Variants in TBC1D8 observed in about 807,000 individuals in gnomAD.
TBC1D8 encodes the protein TBC1 domain family member 8, also known as BUB2-like protein 1.
A neutral mutation model predicts 118.8 loss-of-function variants in TBC1D8; 65 were observed. That is an observed-to-expected ratio of 0.55 (90% CI 0.45 to 0.67). The LOEUF is 0.67. Ranked by LOEUF, TBC1D8 falls within the 30% of genes least tolerant of loss-of-function variation. The pLI is 0.00. For missense variants in TBC1D8, 1,376 were observed against 1,471.2 expected, an observed-to-expected ratio of 0.94 and a Z score of 1.06; for synonymous variants, 566 against 595.8, an observed-to-expected ratio of 0.95 and a Z score of 0.73.
chr2:101,149,009 G>T (rs1223876607), intron 1 of TBC1D8, among the ~76,000 whole-genome samples: 1 of 152,268 alleles, frequency 6.6e-6, no homozygotes, highest in East Asian at 1.9e-4. Flanking sequence ...GGTCAGCGCT[G>T]CTTCATCGGC....
intron 2 of TBC1D8, among the ~76,000 whole-genome samples, chr2:101,083,011 G>A (rs763418535): frequency 1.3e-5 from 2 of 152,036 alleles, no homozygotes; most frequent in Non-Finnish European, 2.9e-5. Flanking sequence ...AAGTTCTTCC[G>A]TTGCACGTTG....
At chr2:101,103,213 A>G (rs1676969367) in intron 1 of TBC1D8, among the ~76,000 whole-genome samples, 1 of 151,970 alleles carries the variant, frequency 6.6e-6, no homozygotes, top group Non-Finnish European at 1.5e-5. Context: ...GGAAATATCG[A>G]TCAATATAAT....
At chr2:101,126,352 G>T (rs1417307022) in intron 1 of TBC1D8, among the ~76,000 whole-genome samples, 1 of 152,150 alleles carries the variant, frequency 6.6e-6, no homozygotes, top group East Asian at 1.9e-4. Context: ...ACTTGGTGGG[G>T]CCACACAAAC....
intron 3 of TBC1D8, among the ~76,000 whole-genome samples, chr2:101,057,837 AC>A (rs550090125): frequency 9.3e-4 from 141 of 152,252 alleles, no homozygotes; most frequent in African/African-American, 3.3e-3. Context: ...AAAACAACCA[AC>A]AAAAATAAAC....
chr2:101,034,713 C>A (rs1481400544), intron 9 of TBC1D8, among the ~76,000 whole-genome samples: 1 of 152,270 alleles, frequency 6.6e-6, no homozygotes, highest in African/African-American at 2.4e-5. Context: ...ACACGCCTCA[C>A]AATCAGGTGG....
At chr2:101,112,428 T>C (rs1428850590) in intron 1 of TBC1D8, among the ~76,000 whole-genome samples, 1 of 152,222 alleles carries the variant, frequency 6.6e-6, no homozygotes, top group African/African-American at 2.4e-5. Flanking sequence ...GATTCAAGTC[T>C]ATAAAATGAA....
chr2:101,022,808 T>C (rs1680120358), intron 15 of TBC1D8, among the ~76,000 whole-genome samples: 2 of 152,348 alleles, frequency 1.3e-5, no homozygotes, highest in East Asian at 3.9e-4. Flanking sequence ...GTTTTCATTA[T>C]AGAAGACACA....
chr2:101,023,822 A>AATGTCCTC (rs1189683120), intron 15 of TBC1D8: 1 of 245,624 alleles, frequency 4.1e-6, no homozygotes, highest in Admixed American at 5.9e-5. Context: ...TGACCATTTC[A>AATGTCCTC]ATGTCCTCTG....
At chr2:101,067,849 A>G (rs1340852328) in intron 2 of TBC1D8, among the ~76,000 whole-genome samples, 2 of 152,188 alleles carry the variant, frequency 1.3e-5, no homozygotes, top group Non-Finnish European at 2.9e-5. Flanking sequence ...TCAAATTTGG[A>G]GTCAATTCTC....
intron 5 of TBC1D8, among the ~76,000 whole-genome samples, chr2:101,044,545 GAGA>G (rs1681582674): frequency 1.3e-5 from 2 of 152,266 alleles, no homozygotes; most frequent in East Asian, 1.9e-4. Flanking sequence ...TTCCTCCGTA[GAGA>G]AGAACAGACA....
intron 1 of TBC1D8, among the ~76,000 whole-genome samples, chr2:101,103,285 A>C (rs551713282): frequency 4.6e-5 from 7 of 151,944 alleles, no homozygotes; most frequent in Admixed American, 3.9e-4. Context: ...ATACACAAAA[A>C]ATGTTGACAA....
chr2:101,050,127 C>A (rs1681970333), intron 5 of TBC1D8, among the ~76,000 whole-genome samples: 1 of 152,182 alleles, frequency 6.6e-6, no homozygotes, highest in Non-Finnish European at 1.5e-5. Context: ...GCAACCGGCC[C>A]TACCCTTACT....
intron 1 of TBC1D8, among the ~76,000 whole-genome samples, chr2:101,123,118 T>G (rs112535669): frequency 1.3e-5 from 2 of 152,048 alleles, no homozygotes; most frequent in Non-Finnish European, 2.9e-5. Flanking sequence ...CACCTTGTAG[T>G]CCAAGCCACT....
intron 7 of TBC1D8, 66 bp from the exon 8 acceptor site, chr2:101,037,774 G>A: frequency 6.3e-7 from 1 of 1,594,240 alleles, no homozygotes; most frequent in Non-Finnish European, 8.5e-7. Context: ...TTTAGTCGAG[G>A]GGACAGTCTT....
chr2:101,109,597 T>C (rs926553427), intron 1 of TBC1D8, among the ~76,000 whole-genome samples: 19 of 152,144 alleles, frequency 1.2e-4, no homozygotes, highest in Admixed American at 8.5e-4. Context: ...GCAATACTTA[T>C]GAGCAGGGTC....
intron 1 of TBC1D8, among the ~76,000 whole-genome samples, chr2:101,115,983 A>G (rs1406855614): frequency 6.6e-6 from 1 of 152,208 alleles, no homozygotes; most frequent in Admixed American, 6.5e-5. Context: ...AGCAACATTC[A>G]GCAGGGTGCT....
intron 2 of TBC1D8, among the ~76,000 whole-genome samples, chr2:101,075,650 G>T (rs1203995921): frequency 6.6e-6 from 1 of 152,118 alleles, no homozygotes; most frequent in South Asian, 2.1e-4. Context: ...TGAAGAAAGT[G>T]CCTTGCTTCT....
intron 7 of TBC1D8, among the ~76,000 whole-genome samples, chr2:101,038,158 C>G (rs1681146201): frequency 6.6e-6 from 1 of 152,198 alleles, no homozygotes; most frequent in African/African-American, 2.4e-5. Flanking sequence ...TGCCCAACCT[C>G]AGGGCCGACA....
chr2:101,103,881 T>G (rs112108509), intron 1 of TBC1D8, among the ~76,000 whole-genome samples: 2,363 of 151,762 alleles, frequency 0.016, 58 homozygotes, highest in African/African-American at 0.046. Context: ...GATATATATA[T>G]AGAGAGAGAG....
Sources: gnomAD v4.1 joint callset for allele counts (sites outside exome capture counted in the v4.1 genomes callset) on GRCh38, gnomAD v4.1.1 for gene constraint, MANE v1.5 for transcripts, NCBI Gene and HGNC (gene_info 2026-07-23, HGNC 2026-07-21) for gene names.